Variants in MTMR12 observed in about 807,000 individuals in gnomAD.
The protein encoded by MTMR12 is myotubularin-related protein 12.
A neutral mutation model predicts 96.7 loss-of-function variants in MTMR12; 33 were observed. The ratio of observed to expected loss-of-function variants is 0.34; its 90% CI spans 0.26 to 0.46. MTMR12 has a LOEUF of 0.46. Ranked by LOEUF, MTMR12 falls within the 20% of genes least tolerant of loss-of-function variation. The pLI is 1.00. For missense variants in MTMR12, 721 were observed against 896.1 expected, an observed-to-expected ratio of 0.80 and a Z score of 2.49; for synonymous variants, 298 against 327.2, an observed-to-expected ratio of 0.91 and a Z score of 0.96.
rs138704116 is a variant in MTMR12 at position 32,236,694 on chromosome 5, G to A, written c.1345-1565C>T. Among the ~76,000 whole-genome samples the A allele has an allele frequency of 7.5e-3, 1,142 of 151,632 alleles. 14 individuals carry two copies. The highest frequency in any genetic ancestry group is 0.026 in the African/African-American group (1,073 of 41,356). ...CTCTACTAAAAATACAAAATTAGCCGGGAATGGAGGGGAATGCCTGTAATC... is the reference window on the plus strand; with the variant it reads ...CTCTACTAAAAATACAAAATTAGCCAGGAATGGAGGGGAATGCCTGTAATC... On this transcript the variant is annotated intron_variant, in intron 13 of 15. Transcript: ENST00000382142.
At chr5:32,255,649 C>A in intron 8 of MTMR12, 44 bp downstream of exon 8, 3 of 1,527,314 alleles carry the variant, frequency 2.0e-6, no homozygotes, top group Non-Finnish European at 2.7e-6. Context: ...CCAGGATAGA[C>A]CAATGCACAA....
intron 1 of MTMR12, among the ~76,000 whole-genome samples, chr5:32,279,252 A>C (rs938376826): frequency 6.6e-6 from 1 of 151,928 alleles, no homozygotes; most frequent in Non-Finnish European, 1.5e-5. Flanking sequence ...CAAAACAAAC[A>C]AACAAAAAAA....
rs536652862 is a variant in MTMR12 at position 32,227,011 on chromosome 5, T to C, written c.*2767A>G. On this transcript the variant is annotated 3_prime_UTR_variant, in exon 16 of 16. Transcript: ENST00000382142. The stretch of plus-strand genomic sequence containing the variant: ...CCAACCACACCAAGTACAGTATTGC[T>C]TGTAAATTGTGCTTTAATTTCTGCA... 3.9e-5 allele frequency: 6 copies of C among 152,804 alleles called. No homozygotes were observed. The East Asian group carries it at 9.6e-4, about 25-fold the overall frequency. 9.5% of individuals were successfully genotyped at this position (152,804 alleles called of 1,614,324 possible).
In MTMR12 at chr5:32,268,786, A is replaced by G; in HGVS notation, c.498T>C (p.Ser166=). ...TKEEEVKRIV[S]GIIHHTQAPK... is the part of the protein sequence containing the mutation. ...GAGCCTGGGTATGATGAATTATGCC[A>G]CTGACAATCTAAAAAAGAATCGAAC... The change falls in exon 6 of 16, where the codon AGT becomes AGC. Residue 166 remains serine (S), a synonymous_variant. Coordinates refer to ENST00000382142, the MANE Select transcript of MTMR12 (RefSeq NM_001040446.3). The G allele has an allele frequency of 6.2e-7, 1 of 1,612,424 alleles. No homozygotes were observed. Among genetic ancestry groups the G allele is most frequent in the Non-Finnish European group, 8.5e-7 (1 of 1,178,444 alleles).
Position 32,312,900 on chromosome 5 carries a change from G to T in MTMR12, c.-62C>A. 7.0e-7 allele frequency: 1 copy of T among 1,426,730 alleles called. No individual in the cohort carries two copies. The highest frequency in any genetic ancestry group is 9.2e-7 in the Non-Finnish European group (1 of 1,084,798). The allele number at this position is 1,426,730 out of a possible 1,614,324, so 88.4% of individuals were successfully genotyped here. A position where few individuals can be genotyped will look rare whatever the true frequency, so the allele number is the denominator to read the frequency against. On this transcript the variant is annotated 5_prime_UTR_variant, in exon 1 of 16. Transcript: ENST00000382142. This position sits in a 1 kb window ranked among gnomAD's most constrained non-coding sequence, Gnocchi z 5.0. ...AGGCGGCGGCTCGGGCTCCAGCTGG[G>T]GCAGCAGCGGCGGCCACCAGCACTA...
chr5:32,251,743 G>C (rs1421893671), intron 8 of MTMR12, among the ~76,000 whole-genome samples: 1 of 152,110 alleles, frequency 6.6e-6, no homozygotes, highest in Non-Finnish European at 1.5e-5. Flanking sequence ...CATAGAAGAG[G>C]GAAGGCCCAT....
intron 7 of MTMR12, among the ~76,000 whole-genome samples, chr5:32,262,503 A>G (rs1749402127): frequency 6.6e-6 from 1 of 152,058 alleles, no homozygotes; most frequent in African/African-American, 2.4e-5. Context: ...CAGGAGGCTG[A>G]GGTGGGAGAA....
chr5:32,245,981 G>A (rs888254106), intron 10 of MTMR12, among the ~76,000 whole-genome samples: 1 of 152,126 alleles, frequency 6.6e-6, no homozygotes, highest in Admixed American at 6.6e-5. Context: ...CCACCTCTCG[G>A]TAGCCATTGC....
intron 4 of MTMR12, among the ~76,000 whole-genome samples, chr5:32,271,482 AG>A (rs1749830671): frequency 6.6e-6 from 1 of 152,240 alleles, no homozygotes; most frequent in African/African-American, 2.4e-5. Context: ...TTTAGTCAGC[AG>A]AAAAGACATC....
chr5:32,303,450 C>G (rs1350801517), intron 1 of MTMR12, among the ~76,000 whole-genome samples: 1 of 152,114 alleles, frequency 6.6e-6, no homozygotes, highest in Non-Finnish European at 1.5e-5. Context: ...CTCCCCTATT[C>G]CTCCTCCCAA....
intron 1 of MTMR12, among the ~76,000 whole-genome samples, chr5:32,288,670 A>T (rs1162765038): frequency 1.3e-5 from 2 of 152,204 alleles, no homozygotes; most frequent in Admixed American, 1.3e-4. Context: ...TATTGATTTG[A>T]GCCCACTAAG....
chr5:32,275,850 A>T (rs1750030582), intron 2 of MTMR12, among the ~76,000 whole-genome samples: 1 of 152,248 alleles, frequency 6.6e-6, no homozygotes. Flanking sequence ...AACATCAAAA[A>T]AAGTTATAGA....
At chr5:32,285,511 TTTTA>T (rs1307346892) in intron 1 of MTMR12, among the ~76,000 whole-genome samples, 5 of 152,058 alleles carry the variant, frequency 3.3e-5, no homozygotes, top group Non-Finnish European at 5.9e-5. Context: ...TATGGCTACT[TTTTA>T]TTTGTTTATT....
intron 1 of MTMR12, among the ~76,000 whole-genome samples, chr5:32,311,138 T>C (rs949536471): frequency 6.6e-6 from 1 of 152,134 alleles, no homozygotes; most frequent in Non-Finnish European, 1.5e-5. Flanking sequence ...ATTACAGGTG[T>C]CAGCCACCAT....
chr5:32,305,421 T>C (rs1311617123), intron 1 of MTMR12, among the ~76,000 whole-genome samples: 1 of 152,170 alleles, frequency 6.6e-6, no homozygotes, highest in Non-Finnish European at 1.5e-5. Flanking sequence ...GCAAAGGATC[T>C]AGACTTTGTT....
chr5:32,289,430 T>C (rs1750662814), intron 1 of MTMR12, among the ~76,000 whole-genome samples: 1 of 152,110 alleles, frequency 6.6e-6, no homozygotes, highest in South Asian at 2.1e-4. Context: ...CCCACCACAT[T>C]ACCAACAATT....
intron 15 of MTMR12, chr5:32,232,994 G>A: frequency 1.0e-6 from 1 of 985,330 alleles, no homozygotes; most frequent in East Asian, 1.1e-4. Context: ...ACTCTGTGGG[G>A]GAGAAATTCT....
chr5:32,267,886 T>G (rs1288576135), intron 6 of MTMR12, among the ~76,000 whole-genome samples: 1 of 152,146 alleles, frequency 6.6e-6, no homozygotes, highest in East Asian at 1.9e-4. Context: ...CAGGCCGGAG[T>G]GCAGTGGTGC....
In MTMR12 at chr5:32,268,723, C is replaced by T. The variant is rs151190959; in HGVS notation, c.561G>A (p.Ala187=). The T allele has an allele frequency of 1.4e-4, 225 of 1,613,484 alleles. No individual in the cohort carries two copies. The highest frequency in any genetic ancestry group is 1.8e-4 in the Non-Finnish European group (215 of 1,179,676). ...TACCTGTATTGTTTTGTGCAGCAGTCGCATAGGAAAACAGAAATAATCGTT... is the reference window on the plus strand; with the variant it reads ...TACCTGTATTGTTTTGTGCAGCAGTTGCATAGGAAAACAGAAATAATCGTT... The part of the protein sequence containing the change: ...LLKRLFLFSY[A]TAAQNNTVTD... Residue 187 remains alanine (A), a synonymous_variant, in exon 6 of 16, where the codon GCG becomes GCA. Transcript: ENST00000382142.
Sources: gnomAD v4.1 joint callset for allele counts (sites outside exome capture counted in the v4.1 genomes callset) on GRCh38, gnomAD v4.1.1 for gene constraint, Gnocchi (gnomAD v3.1) non-coding constraint, MANE v1.5 for transcripts, NCBI Gene and HGNC (gene_info 2026-07-23, HGNC 2026-07-21) for gene names.